Variants in AGBL1 observed in about 807,000 individuals in gnomAD.
The protein encoded by AGBL1 is AGBL carboxypeptidase 1.
In AGBL1, 130 loss-of-function variants were observed where a neutral mutation model predicts 118.9. The observed-to-expected ratio is 1.09, with a 90% confidence interval of 0.95 to 1.26. AGBL1 has a LOEUF of 1.26. AGBL1 is among the 50% of genes most tolerant of loss of function. The pLI, the probability that AGBL1 is intolerant of heterozygous loss-of-function variation, is 0.00. For missense variants in AGBL1, 1,584 were observed against 1,298.1 expected, an observed-to-expected ratio of 1.22 and a Z score of -3.38; for synonymous variants, 555 against 478.9, an observed-to-expected ratio of 1.16 and a Z score of -2.08.
intron 17 of AGBL1, among the ~76,000 whole-genome samples, chr15:86,349,315 G>A (rs2080588618): frequency 6.6e-6 from 1 of 152,132 alleles, no homozygotes; most frequent in Non-Finnish European, 1.5e-5. Context: ...AGTCTACAAT[G>A]CACAAGACAA....
chr15:86,788,725 G>A (rs1219392533), intron 22 of AGBL1, among the ~76,000 whole-genome samples: 2 of 152,126 alleles, frequency 1.3e-5, no homozygotes, highest in Non-Finnish European at 2.9e-5. Context: ...GTTTTATAAG[G>A]ATAATGTCAT....
intron 17 of AGBL1, among the ~76,000 whole-genome samples, chr15:86,300,770 C>G (rs34782934): frequency 0.055 from 8,350 of 152,184 alleles, 279 homozygotes; most frequent in South Asian, 0.075. Context: ...TAAAGAATAA[C>G]TTTCTTTTTC....
intron 3 of AGBL1, among the ~76,000 whole-genome samples, chr15:86,153,391 C>G (rs1335910337): frequency 6.6e-6 from 1 of 152,064 alleles, no homozygotes; most frequent in Non-Finnish European, 1.5e-5. Flanking sequence ...AACCATCATT[C>G]TCAGCAAACT....
chr15:86,574,616 C>A (rs1273493114), intron 21 of AGBL1, among the ~76,000 whole-genome samples: 1 of 99,136 alleles, frequency 1.0e-5, no homozygotes, highest in African/African-American at 3.8e-5. Flanking sequence ...TAGCTCTTGT[C>A]ACCCAGGCTG....
chr15:86,238,656 G>A (rs181241693), intron 6 of AGBL1, among the ~76,000 whole-genome samples: 9 of 152,190 alleles, frequency 5.9e-5, no homozygotes, highest in Admixed American at 5.2e-4. Context: ...ATCACCCTTG[G>A]TAAGAAGCAC....
At chr15:86,708,940 T>G (rs2086504976) in intron 22 of AGBL1, among the ~76,000 whole-genome samples, 1 of 152,130 alleles carries the variant, frequency 6.6e-6, no homozygotes, top group Non-Finnish European at 1.5e-5. Flanking sequence ...TTAATGTACC[T>G]GTGAGAGTTC....
chr15:86,717,662 T>C (rs1252249458), intron 22 of AGBL1, among the ~76,000 whole-genome samples: 2 of 151,754 alleles, frequency 1.3e-5, no homozygotes, highest in Admixed American at 6.6e-5. Context: ...TGGAAGCATG[T>C]TTGTATTGCC....
intron 23 of AGBL1, among the ~76,000 whole-genome samples, chr15:86,976,117 G>T (rs1159621448): frequency 6.6e-6 from 1 of 151,350 alleles, no homozygotes; most frequent in Non-Finnish European, 1.5e-5. Flanking sequence ...AAAAATTTTA[G>T]ATCTATCACA....
At chr15:86,150,995 C>G (rs564117509) in intron 3 of AGBL1, among the ~76,000 whole-genome samples, 314 of 152,252 alleles carry the variant, frequency 2.1e-3, no homozygotes, top group African/African-American at 7.5e-3. Context: ...GAGTTCATGT[C>G]CTTTGTAGGG....
intron 22 of AGBL1, among the ~76,000 whole-genome samples, chr15:86,855,750 G>A (rs754957489): frequency 2.6e-5 from 4 of 152,278 alleles, no homozygotes; most frequent in East Asian, 1.9e-4. Flanking sequence ...TCCTGTGCTC[G>A]CAGTCTGTGT....
intron 23 of AGBL1, among the ~76,000 whole-genome samples, chr15:86,925,720 C>CTTTTTTTTTTTTTTTT (rs375125663): frequency 9.9e-5 from 13 of 131,978 alleles, no homozygotes; most frequent in African/African-American, 2.0e-4. Context: ...TTTTTCTTTT[C>CTTTTTTTTTTTTTTTT]TTTTTTTTTT....
chr15:86,796,896 G>A (rs2078580463), intron 22 of AGBL1, among the ~76,000 whole-genome samples: 1 of 152,188 alleles, frequency 6.6e-6, no homozygotes. Context: ...TCACTACAAA[G>A]TTTATTTCTC....
At chr15:86,625,924 C>T (rs2084880088) in intron 21 of AGBL1, among the ~76,000 whole-genome samples, 1 of 152,042 alleles carries the variant, frequency 6.6e-6, no homozygotes, top group Admixed American at 6.6e-5. Context: ...AATGAAGAAG[C>T]TGTATCCCAT....
intron 1 of AGBL1, among the ~76,000 whole-genome samples, chr15:86,124,313 G>C (rs1224506418): frequency 1.5e-5 from 2 of 134,002 alleles, no homozygotes; most frequent in African/African-American, 2.9e-5. Flanking sequence ...CTGGGCACCA[G>C]AGTGAGACTC....
chr15:86,266,997 C>T lies in AGBL1; in HGVS notation c.1759C>T (p.Gln587Ter), dbSNP rs868595669. 6.4e-7 allele frequency: 1 copy of T among 1,567,984 alleles called. No homozygotes were observed. Among genetic ancestry groups the T allele is most frequent in the Non-Finnish European group, 8.7e-7 (1 of 1,154,964 alleles). Residue 587 changes from glutamine (Q) to a stop codon, truncating the protein, a stop_gained, in exon 13 of 23, where the codon CAA becomes TAA. Coordinates refer to ENST00000614907, the MANE Select transcript of AGBL1 (RefSeq NM_001386094.1). LOFTEE classifies it high-confidence loss of function. ...VFSLDEPWPL[Q>*]DNASNCLRFF... Reference sequence around the variant, plus strand: ...TTCCTTATTTCATTGTAGGCCTTTGCAAGACAATGCTTCCAATTGTTTACG... The same window carrying T: ...TTCCTTATTTCATTGTAGGCCTTTGTAAGACAATGCTTCCAATTGTTTACG...
intron 22 of AGBL1, among the ~76,000 whole-genome samples, chr15:86,771,688 A>G (rs2078184464): frequency 6.6e-6 from 1 of 152,012 alleles, no homozygotes; most frequent in Non-Finnish European, 1.5e-5. Flanking sequence ...CTTGTCAGAC[A>G]TTCAGGGATG....
chr15:86,236,947 G>GGGGGT (rs2078558441), intron 6 of AGBL1, among the ~76,000 whole-genome samples: 1 of 19,574 alleles, frequency 5.1e-5, no homozygotes, highest in Non-Finnish European at 1.1e-4. Flanking sequence ...GGGGGCGGGG[G>GGGGGT]GGGGCGGGGG....
intron 23 of AGBL1, among the ~76,000 whole-genome samples, chr15:86,933,263 G>A (rs1231057093): frequency 6.6e-6 from 1 of 152,130 alleles, no homozygotes; most frequent in African/African-American, 2.4e-5. Flanking sequence ...ACCATGGGAG[G>A]ACTTTAGTTT....
chr15:86,862,579 G>A (rs1313851794), intron 22 of AGBL1, among the ~76,000 whole-genome samples: 4 of 152,074 alleles, frequency 2.6e-5, no homozygotes, highest in Non-Finnish European at 4.4e-5. Flanking sequence ...AAATTAGCCG[G>A]GCGTGATGAC....
Sources: gnomAD v4.1 joint callset for allele counts (sites outside exome capture counted in the v4.1 genomes callset) on GRCh38, gnomAD v4.1.1 for gene constraint, MANE v1.5 for transcripts, NCBI Gene and HGNC (gene_info 2026-07-23, HGNC 2026-07-21) for gene names.